Variants in GPC5 observed in about 807,000 individuals in gnomAD.
GPC5 encodes the protein glypican-5.
In GPC5, 47 loss-of-function variants were observed where a neutral mutation model predicts 53.9. The ratio of observed to expected loss-of-function variants is 0.87; its 90% CI spans 0.69 to 1.11. The LOEUF is 1.11. Ranked by LOEUF, GPC5 falls within the 50% of genes most tolerant of loss-of-function variation. GPC5 has a pLI of 0.00. For synonymous variants in GPC5, 286 were observed against 263.3 expected (o/e 1.09, Z -0.84); for missense variants, 748 against 713.1 (o/e 1.05, Z -0.56).
chr13:91,972,766 C>A (rs1387560703), intron 6 of GPC5, among the ~76,000 whole-genome samples: 11 of 150,640 alleles, frequency 7.3e-5, no homozygotes, highest in East Asian at 1.9e-4. Context: ...GTTGAAAATT[C>A]TTTTCTTTAA....
chr13:91,787,614 A>G (rs1371074520), intron 5 of GPC5, among the ~76,000 whole-genome samples: 3 of 152,218 alleles, frequency 2.0e-5, no homozygotes, highest in Non-Finnish European at 4.4e-5. Flanking sequence ...GTAAAGAGGC[A>G]AGACATTTTT....
chr13:91,427,929 A>G (rs1428196308), intron 1 of GPC5, among the ~76,000 whole-genome samples: 2 of 152,038 alleles, frequency 1.3e-5, no homozygotes, highest in African/African-American at 2.4e-5. Context: ...GCTGACACAC[A>G]GAGTCTCTCT....
chr13:92,436,404 T>C (rs921098679), intron 7 of GPC5, among the ~76,000 whole-genome samples: 3 of 152,194 alleles, frequency 2.0e-5, no homozygotes, highest in African/African-American at 7.2e-5. Flanking sequence ...CTGATTCAGT[T>C]GCAGTCTTGT....
intron 7 of GPC5, among the ~76,000 whole-genome samples, chr13:92,628,257 TTTCTTTC>T (rs1885112487): frequency 7.6e-6 from 1 of 131,478 alleles, no homozygotes; most frequent in Non-Finnish European, 1.6e-5. Flanking sequence ...TCTTTTTCTT[TTTCTTTC>T]TTTTTTTTTT....
chr13:92,534,574 T>G (rs1230609690), intron 7 of GPC5, among the ~76,000 whole-genome samples: 1 of 152,172 alleles, frequency 6.6e-6, no homozygotes, highest in Non-Finnish European at 1.5e-5. Flanking sequence ...GAAAATGGAA[T>G]TTTTAGTAAG....
rs185793050 is a variant in GPC5, at chr13:92,477,136, C to G, written c.1561+332147C>G. Among the ~76,000 whole-genome samples the G allele has an allele frequency of 3.5e-3, 531 of 151,992 alleles. 1 individual carries two copies. The highest frequency in any genetic ancestry group is 0.012 in the African/African-American group (492 of 41,458). ...CTGACACATTTAGTAATGAGCAAAT[C>G]CTATTGTGTGCCCCAGTATTTAGGC... On this transcript the variant is annotated intron_variant, in intron 7 of 7. Transcript: ENST00000377067.
chr13:92,200,803 A>C lies in GPC5; in HGVS notation c.1561+55814A>C, dbSNP rs747223533. On this transcript the variant is annotated intron_variant, in intron 7 of 7. Transcript: ENST00000377067. ...GAGCCCTGGTCAGGTGGCATCATTA[A>C]ATCAAAAACTGTAACTGTGGAGTTA... 3.9e-5 allele frequency among the ~76,000 whole-genome samples: 6 copies of C among 152,232 alleles called. No homozygotes were observed. In the East Asian group the frequency reaches 1.2e-3, roughly 29 times the overall value.
chr13:92,214,594 T>G lies in GPC5; in HGVS notation c.1561+69605T>G, dbSNP rs186010607. 2.0e-3 allele frequency among the ~76,000 whole-genome samples: 301 copies of G among 152,306 alleles called. 1 individual carries two copies. The highest frequency in any genetic ancestry group is 6.9e-3 in the African/African-American group (285 of 41,568). ...CCTCTAGAATTTGTGCACTACTGTTTGCCTAAGTGGTTCAAAAGGAGGGAA... is the reference window on the plus strand; with the variant it reads ...CCTCTAGAATTTGTGCACTACTGTTGGCCTAAGTGGTTCAAAAGGAGGGAA... On this transcript the variant is annotated intron_variant, in intron 7 of 7. Coordinates refer to ENST00000377067, the MANE Select transcript of GPC5 (RefSeq NM_004466.6).
intron 2 of GPC5, among the ~76,000 whole-genome samples, chr13:91,583,517 G>A (rs941697823): frequency 1.3e-5 from 2 of 152,118 alleles, no homozygotes; most frequent in Non-Finnish European, 2.9e-5. Flanking sequence ...ACCTAGTACT[G>A]ATCATATTCC....
intron 7 of GPC5, among the ~76,000 whole-genome samples, chr13:92,607,258 A>G (rs2139089688): frequency 6.6e-6 from 1 of 152,284 alleles, no homozygotes; most frequent in South Asian, 2.1e-4. Flanking sequence ...TTCCTGTTTT[A>G]CCCTACTCTT....
intron 7 of GPC5, among the ~76,000 whole-genome samples, chr13:92,381,900 C>CATATATATGATATATATATATCATATATT (rs2043748335): frequency 9.0e-6 from 1 of 111,590 alleles, no homozygotes; most frequent in African/African-American, 3.7e-5. Context: ...TATATATAAT[C>CATATATATGATATATATATATCATATATT]ATATATATGA....
chr13:91,713,762 A>G (rs2036278254), intron 3 of GPC5, among the ~76,000 whole-genome samples: 1 of 152,186 alleles, frequency 6.6e-6, no homozygotes, highest in South Asian at 2.1e-4. Flanking sequence ...TTAGAAACCT[A>G]AGAGTCATCC....
chr13:91,937,422 G>A (rs1161791171), intron 6 of GPC5, among the ~76,000 whole-genome samples: 3 of 152,050 alleles, frequency 2.0e-5, no homozygotes, highest in African/African-American at 7.2e-5. Flanking sequence ...CGAGTTGGAG[G>A]TGGGAAATTG....
chr13:92,844,443 T>A (rs1238443657), intron 7 of GPC5, among the ~76,000 whole-genome samples: 2 of 152,108 alleles, frequency 1.3e-5, no homozygotes, highest in Non-Finnish European at 2.9e-5. Flanking sequence ...ATAAAGGAAA[T>A]CTGGCAGAAG....
chr13:92,249,033 AT>A (rs1252067056), intron 7 of GPC5, among the ~76,000 whole-genome samples: 5 of 151,990 alleles, frequency 3.3e-5, no homozygotes, highest in Admixed American at 6.6e-5. Flanking sequence ...TATTTTTTAA[AT>A]TTTTTGTGGG....
At chr13:91,468,874 CTTT>C (rs5805695) in intron 2 of GPC5, among the ~76,000 whole-genome samples, 2 of 135,018 alleles carry the variant, frequency 1.5e-5, no homozygotes, top group Non-Finnish European at 3.1e-5. Context: ...AGATAATGGT[CTTT>C]TTTTTTTTTT....
rs2041604765 is a variant in GPC5 at position 92,116,728 on chromosome 13, T to A, written c.1402-28102T>A. The stretch of plus-strand genomic sequence containing the variant: ...GCATTCACATCTGTACTTGGTATTG[T>A]CATAACTTTCTCCATTATGACAGTA... On this transcript the variant is annotated intron_variant, in intron 6 of 7. Transcript: ENST00000377067. 3.9e-5 allele frequency among the ~76,000 whole-genome samples: 6 copies of A among 152,246 alleles called. No homozygotes were observed. In the South Asian group the frequency reaches 1.2e-3, roughly 31 times the overall value.
chr13:92,642,211 G>C (rs796945738), intron 7 of GPC5, among the ~76,000 whole-genome samples: 1 of 152,186 alleles, frequency 6.6e-6, no homozygotes, highest in African/African-American at 2.4e-5. Context: ...CATTAGGTTG[G>C]TGATTTATTG....
At chr13:92,227,674 A>G (rs1370613225) in intron 7 of GPC5, among the ~76,000 whole-genome samples, 8 of 152,198 alleles carry the variant, frequency 5.3e-5, no homozygotes, top group Admixed American at 5.2e-4. Context: ...TAGAGGTAAT[A>G]TAGTTCACCC....
Sources: gnomAD v4.1 joint callset for allele counts (sites outside exome capture counted in the v4.1 genomes callset) on GRCh38, gnomAD v4.1.1 for gene constraint, MANE v1.5 for transcripts, NCBI Gene and HGNC (gene_info 2026-07-23, HGNC 2026-07-21) for gene names.